The following LRRFIP1 variants were observed in gnomAD, a reference collection of about 807,000 sequenced individuals.
The protein encoded by LRRFIP1 is LRR binding FLII interacting protein 1, also known as leucine-rich repeat flightless-interacting protein 1.
Under a neutral mutation model 104.4 loss-of-function variants are expected in LRRFIP1, and 62 were observed. That is an observed-to-expected ratio of 0.59 (90% CI 0.48 to 0.73). The LOEUF is 0.73. Among genes scored for constraint, LRRFIP1 ranks in the 30% least tolerant of loss-of-function variants. The pLI, the probability that LRRFIP1 is intolerant of heterozygous loss-of-function variation, is 0.00. For missense variants in LRRFIP1, 796 were observed against 824.5 expected, an observed-to-expected ratio of 0.97 and a Z score of 0.42; for synonymous variants, 300 against 299.0, an observed-to-expected ratio of 1.00 and a Z score of -0.03.
intron 1 of LRRFIP1, among the ~76,000 whole-genome samples, chr2:237,685,686 A>G (rs1224661663): frequency 1.3e-5 from 2 of 152,058 alleles, no homozygotes; most frequent in African/African-American, 4.8e-5. Flanking sequence ...CCCCACACCC[A>G]GCCTTTGGTC....
At chr2:237,743,695 G>A (rs578071472) in intron 11 of LRRFIP1, among the ~76,000 whole-genome samples, 8 of 151,808 alleles carry the variant, frequency 5.3e-5, no homozygotes, top group East Asian at 1.9e-4. Flanking sequence ...CTCATGGGAC[G>A]CACAGACAGG....
chr2:237,640,841 G>A (rs1205770711), intron 1 of LRRFIP1, among the ~76,000 whole-genome samples: 2 of 152,044 alleles, frequency 1.3e-5, no homozygotes, highest in African/African-American at 2.4e-5. Flanking sequence ...CCGAGAACCT[G>A]CAGTCTCTAT....
intron 19 of LRRFIP1, chr2:237,768,414 A>T (rs77865797): frequency 6.6e-6 from 1 of 152,246 alleles, no homozygotes; most frequent in Non-Finnish European, 1.5e-5. Flanking sequence ...ACAATTGTAC[A>T]ATAGATACTT....
At chr2:237,715,164 A>G (rs1170109153) in intron 3 of LRRFIP1, among the ~76,000 whole-genome samples, 2 of 152,230 alleles carry the variant, frequency 1.3e-5, no homozygotes, top group Non-Finnish European at 2.9e-5. Flanking sequence ...GCTGGCCATG[A>G]TGACGAATCG....
chr2:237,743,266 A>G (rs1409723949), intron 11 of LRRFIP1, among the ~76,000 whole-genome samples: 1 of 141,638 alleles, frequency 7.1e-6, no homozygotes, highest in Non-Finnish European at 1.6e-5. Flanking sequence ...ACAGGTGCAC[A>G]GGTGAGTGTG....
chr2:237,637,428 A>G (rs985860418), intron 1 of LRRFIP1, among the ~76,000 whole-genome samples: 1 of 152,230 alleles, frequency 6.6e-6, no homozygotes, highest in African/African-American at 2.4e-5. Context: ...AGATCACACC[A>G]CTGCACGCCA....
chr2:237,627,828 C>G, intron 1 of LRRFIP1, 88 bp downstream of exon 1: 1 of 879,742 alleles, frequency 1.1e-6, no homozygotes, highest in Non-Finnish European at 1.5e-6. Context: ...CCGTCTGTCC[C>G]GCTGTGCGTC....
intron 1 of LRRFIP1, among the ~76,000 whole-genome samples, chr2:237,702,243 G>C (rs1432668644): frequency 2.0e-5 from 3 of 152,160 alleles, no homozygotes; most frequent in East Asian, 1.9e-4. Flanking sequence ...AATAGAACTC[G>C]AGTCGTGGTT....
chr2:237,630,742 A>G (rs2082227695), intron 1 of LRRFIP1, among the ~76,000 whole-genome samples: 1 of 152,226 alleles, frequency 6.6e-6, no homozygotes, highest in African/African-American at 2.4e-5. Flanking sequence ...ATTCCCCGCC[A>G]GCCTCACCAG....
chr2:237,776,776 G>A (rs115067415), intron 23 of LRRFIP1, among the ~76,000 whole-genome samples: 225 of 152,222 alleles, frequency 1.5e-3, no homozygotes, highest in Non-Finnish European at 2.7e-3. Context: ...CCAGTCTTCC[G>A]TGTGTTGTTA....
Position 237,717,832 on chromosome 2 carries a change from T to C in LRRFIP1, c.249+23T>C. On this transcript the variant is annotated intron_variant, in intron 4 of 23. Transcript: ENST00000308482. The surrounding 1 kb of genome is among the most constrained non-coding windows in gnomAD (Gnocchi z 4.2). ...ATGGTAGGCCTTGAATATAATTTTGTTTTTACTCTTCCCTCCCCACTTGAA... is the reference window on the plus strand; with the variant it reads ...ATGGTAGGCCTTGAATATAATTTTGCTTTTACTCTTCCCTCCCCACTTGAA... 1.9e-6 allele frequency: 3 copies of C among 1,584,736 alleles called. No individual in the cohort carries two copies. The highest frequency in any genetic ancestry group is 2.6e-6 in the Non-Finnish European group (3 of 1,153,174).
rs2087960693 is a variant in LRRFIP1, at chr2:237,661,558, A to G, written c.96+33818A>G. On this transcript the variant is annotated intron_variant, in intron 1 of 23. Coordinates refer to ENST00000308482, the MANE Select transcript of LRRFIP1 (RefSeq NM_001137550.2). The surrounding 1 kb of genome is among the most constrained non-coding windows in gnomAD (Gnocchi z 4.4). ...TCACCTTCTGTTCCTGCCCAGGGCAAACTGCCCTATGTGCATCTCTGTCCT... is the reference window on the plus strand; with the variant it reads ...TCACCTTCTGTTCCTGCCCAGGGCAGACTGCCCTATGTGCATCTCTGTCCT... Among the ~76,000 whole-genome samples, 1 of 152,192 alleles carries G rather than the reference A, an allele frequency of 6.6e-6. No individual in the cohort carries two copies. Among genetic ancestry groups the G allele is most frequent in the African/African-American group, 2.4e-5 (1 of 41,450 alleles).
chr2:237,720,895 T>G (rs1575809733), intron 6 of LRRFIP1, 73 bp downstream of exon 6: 1 of 1,287,076 alleles, frequency 7.8e-7, no homozygotes, highest in East Asian at 2.3e-5. Context: ...CATCCCCGCA[T>G]TCTGATTTCT....
rs922998774 is a variant in LRRFIP1, at chr2:237,742,580, A to G, written c.633+3271A>G. On this transcript the variant is annotated intron_variant, in intron 11 of 23. Coordinates refer to ENST00000308482, the MANE Select transcript of LRRFIP1 (RefSeq NM_001137550.2). ...GACAGAACTAAGCTAGCTCATTTCC[A>G]TAATTTCCAAAACTCATGGTCCTCT... is the stretch of plus-strand genomic sequence containing the variant. 4.6e-5 allele frequency among the ~76,000 whole-genome samples: 7 copies of G among 152,242 alleles called. No homozygotes were observed. In the East Asian group the frequency reaches 9.6e-4, roughly 21 times the overall value.
chr2:237,781,414 G>C lies in LRRFIP1; in HGVS notation c.*1882G>C, dbSNP rs898237185. Among the ~76,000 whole-genome samples the C allele has an allele frequency of 6.6e-6, 1 of 152,200 alleles. No individual in the cohort carries two copies. Among genetic ancestry groups the C allele is most frequent in the Non-Finnish European group, 1.5e-5 (1 of 68,028 alleles). ...AAGGTGAACTGGCAGAAGTCTCCCA[G>C]CTGGTAGAACAGGGCTGCAAGGCAT... On this transcript the variant is annotated 3_prime_UTR_variant, in exon 24 of 24. Coordinates refer to ENST00000308482, the MANE Select transcript of LRRFIP1 (RefSeq NM_001137550.2).
intron 1 of LRRFIP1, among the ~76,000 whole-genome samples, chr2:237,707,882 A>C (rs1020903589): frequency 1.4e-4 from 21 of 152,200 alleles, no homozygotes; most frequent in African/African-American, 4.8e-4. Context: ...CCGTTCTGCT[A>C]TGATCTTCAT....
At chr2:237,763,089 A>G in intron 19 of LRRFIP1, 1 of 1,614,218 alleles carries the variant, frequency 6.2e-7, no homozygotes, top group African/African-American at 1.3e-5. Flanking sequence ...TGTATGGTAG[A>G]GGTCCCCCAA....
At chr2:237,770,931 C>T (rs1439788084) in intron 20 of LRRFIP1, among the ~76,000 whole-genome samples, 1 of 152,146 alleles carries the variant, frequency 6.6e-6, no homozygotes, top group Non-Finnish European at 1.5e-5. Context: ...TCCTACCATT[C>T]TGTTGAAGAT....
intron 1 of LRRFIP1, among the ~76,000 whole-genome samples, chr2:237,672,983 T>A (rs1340607631): frequency 1.3e-5 from 2 of 152,244 alleles, no homozygotes; most frequent in African/African-American, 4.8e-5. Flanking sequence ...TACAATACGA[T>A]GACCGTGCTC....
Sources: allele counts gnomAD v4.1 joint callset (sites outside exome capture counted in the v4.1 genomes callset), GRCh38; gene constraint gnomAD v4.1.1; non-coding constraint Gnocchi (gnomAD v3.1); transcripts MANE v1.5; gene names NCBI Gene and HGNC (gene_info 2026-07-23, HGNC 2026-07-21).